ARPP21: variants seen among roughly 807,000 people sequenced by gnomAD.
ARPP21 encodes the protein cAMP regulated phosphoprotein 21.
A neutral mutation model predicts 113.2 loss-of-function variants in ARPP21; 69 were observed. That is an observed-to-expected ratio of 0.61 (90% confidence interval 0.50 to 0.74). The LOEUF (loss-of-function observed/expected upper bound fraction) is 0.74, where lower values mean the gene tolerates loss of function less well. Ranked by LOEUF, ARPP21 falls within the 30% of genes least tolerant of loss-of-function variation. The probability of loss-of-function intolerance (pLI) is 0.00; values close to 1 mark genes in which losing one functional copy is unlikely to be tolerated. For missense variants in ARPP21, 1,070 were observed against 1,037.4 expected, an observed-to-expected ratio of 1.03 and a Z score of -0.43; for synonymous variants, 368 against 375.5, an observed-to-expected ratio of 0.98 and a Z score of 0.23.
At chr3:35,655,778 G>T (rs1229051250) in intron 1 of ARPP21, among the ~76,000 whole-genome samples, 2 of 152,050 alleles carry the variant, frequency 1.3e-5, no homozygotes, top group African/African-American at 4.8e-5. Context: ...TCACATAGGA[G>T]AGTTATTTCT....
At chr3:35,673,672 A>G (rs1037965895) in intron 1 of ARPP21, among the ~76,000 whole-genome samples, 3 of 151,940 alleles carry the variant, frequency 2.0e-5, no homozygotes, top group African/African-American at 4.8e-5. Context: ...ACAACTTAGC[A>G]ATTTTTGTTT....
chr3:35,731,793 C>G (rs1258020585), intron 15 of ARPP21, among the ~76,000 whole-genome samples: 1 of 152,074 alleles, frequency 6.6e-6, no homozygotes, highest in Non-Finnish European at 1.5e-5. Flanking sequence ...CACCTCTCAC[C>G]CTTTTTAAAG....
intron 15 of ARPP21, among the ~76,000 whole-genome samples, chr3:35,732,222 TG>T (rs2094031041): frequency 6.6e-6 from 1 of 151,050 alleles, no homozygotes; most frequent in African/African-American, 2.4e-5. Context: ...GCCTACTAAA[TG>T]AAAAAAAAAT....
chr3:35,668,031 A>AGAAGAG (rs1559550942), intron 1 of ARPP21, among the ~76,000 whole-genome samples: 2 of 145,632 alleles, frequency 1.4e-5, no homozygotes, highest in Admixed American at 6.8e-5. Context: ...AAGAAGAAGA[A>AGAAGAG]GGAGAAGAAG....
chr3:35,792,654 T>A, intron 20 of ARPP21, 124 bp downstream of exon 20: 1 of 768,098 alleles, frequency 1.3e-6, no homozygotes, highest in Middle Eastern at 2.4e-4. Context: ...TAACTGTTGA[T>A]AATTTACTTT....
At chr3:35,792,353 C>T (rs2096764206) in intron 19 of ARPP21, 29 bp from the exon 20 acceptor site, 1 of 1,610,880 alleles carries the variant, frequency 6.2e-7, no homozygotes, top group Non-Finnish European at 8.5e-7. Context: ...TTCTGCACAA[C>T]CAGTTCAAAA....
chr3:35,695,634 C>A (rs1370359386), intron 9 of ARPP21, among the ~76,000 whole-genome samples: 1 of 151,490 alleles, frequency 6.6e-6, no homozygotes, highest in African/African-American at 2.4e-5. Context: ...GGACTACCTG[C>A]CCATCCATTT....
chr3:35,786,249 C>T (rs971711122), intron 19 of ARPP21, among the ~76,000 whole-genome samples: 11 of 152,106 alleles, frequency 7.2e-5, no homozygotes, highest in Non-Finnish European at 1.2e-4. Flanking sequence ...CTTGGCCGGG[C>T]GTGGTGGTTC....
intron 14 of ARPP21, among the ~76,000 whole-genome samples, chr3:35,725,033 C>G (rs1017079640): frequency 6.6e-6 from 1 of 152,192 alleles, no homozygotes; most frequent in Non-Finnish European, 1.5e-5. Flanking sequence ...ACTATGATCT[C>G]TCTTTTTAGA....
In ARPP21 at chr3:35,639,965, G is replaced by A. The variant is rs547820967; in HGVS notation, c.-646G>A. 1 of 152,374 alleles carries A rather than the reference G, an allele frequency of 6.6e-6. No individual in the cohort carries two copies. The highest frequency in any genetic ancestry group is 2.4e-5 in the African/African-American group (1 of 41,572). 9.4% of individuals were successfully genotyped at this position (152,374 alleles called of 1,614,324 possible). On this transcript the variant is annotated 5_prime_UTR_variant, in exon 1 of 21. Coordinates refer to ENST00000684406, the MANE Select transcript of ARPP21 (RefSeq NM_001385562.1). This position sits in a 1 kb window ranked among gnomAD's most constrained non-coding sequence, Gnocchi z 5.0. ...CTGCTAGTCGGACCCACAGACGGTC[G>A]GACTGACAGACGTGCAGACGGACAG...
chr3:35,764,545 A>T (rs747908567), intron 19 of ARPP21, among the ~76,000 whole-genome samples: 33 of 152,252 alleles, frequency 2.2e-4, no homozygotes, highest in Non-Finnish European at 3.8e-4. Context: ...CCGAGGTGAG[A>T]TACTGATTTA....
chr3:35,744,298 A>G (rs1038896049), intron 19 of ARPP21, among the ~76,000 whole-genome samples: 1 of 151,818 alleles, frequency 6.6e-6, no homozygotes, highest in African/African-American at 2.4e-5. Flanking sequence ...CAATTTGAAG[A>G]GAGTGCTTCC....
At chr3:35,767,486 A>G (rs1297731964) in intron 19 of ARPP21, among the ~76,000 whole-genome samples, 3 of 152,170 alleles carry the variant, frequency 2.0e-5, no homozygotes, top group Non-Finnish European at 4.4e-5. Flanking sequence ...TTCTTGAATG[A>G]TAAGAAAATA....
At chr3:35,683,963 C>G in intron 5 of ARPP21, 148 bp downstream of exon 5, 1 of 1,288,620 alleles carries the variant, frequency 7.8e-7, no homozygotes, top group South Asian at 1.2e-5. Flanking sequence ...CCTGCTTATG[C>G]AACATTCTAA....
At position 35,704,171 on chromosome 3, in the gene ARPP21, T is replaced by C. The variant is rs558242104; in HGVS notation, c.687-2803T>C. The stretch of plus-strand genomic sequence containing the variant: ...ACAAAAGGATTAATAATTTGAACTA[T>C]TAAATTCCAATATTTGAGAAAAACC... On this transcript the variant is annotated intron_variant, in intron 9 of 20. Coordinates refer to ENST00000684406, the MANE Select transcript of ARPP21 (RefSeq NM_001385562.1). 2.0e-4 allele frequency among the ~76,000 whole-genome samples: 31 copies of C among 152,022 alleles called. No individual in the cohort carries two copies. In the South Asian group the frequency reaches 5.2e-3, roughly 25 times the overall value.
intron 1 of ARPP21, among the ~76,000 whole-genome samples, chr3:35,672,807 A>G (rs1009101014): frequency 5.3e-5 from 8 of 152,024 alleles, no homozygotes; most frequent in South Asian, 4.1e-4. Flanking sequence ...CCAACTTAAC[A>G]CTAAAGATAT....
intron 16 of ARPP21, among the ~76,000 whole-genome samples, chr3:35,737,878 T>TG: frequency 6.6e-6 from 1 of 152,348 alleles, no homozygotes; most frequent in Admixed American, 6.5e-5. Flanking sequence ...CATAGAAACC[T>TG]GAAGTGTTTC....
chr3:35,743,681 C>T (rs777341261), intron 18 of ARPP21, among the ~76,000 whole-genome samples, 158 bp from the exon 19 acceptor site: 4 of 152,180 alleles, frequency 2.6e-5, no homozygotes, highest in East Asian at 1.9e-4. Context: ...TGCCTCTTTA[C>T]GGGAGAAGTA....
chr3:35,788,798 G>A (rs2096683803), intron 19 of ARPP21, among the ~76,000 whole-genome samples: 1 of 152,206 alleles, frequency 6.6e-6, no homozygotes, highest in South Asian at 2.1e-4. Flanking sequence ...TTAACCAAAT[G>A]CCCTCAAACT....
Sources: allele counts gnomAD v4.1 joint callset (sites outside exome capture counted in the v4.1 genomes callset), GRCh38; gene constraint gnomAD v4.1.1; non-coding constraint Gnocchi (gnomAD v3.1); transcripts MANE v1.5; gene names NCBI Gene and HGNC (gene_info 2026-07-23, HGNC 2026-07-21).